OPCML: variants seen among roughly 807,000 people sequenced by gnomAD.
OPCML encodes opioid binding protein/cell adhesion molecule like, also known as opioid-binding protein/cell adhesion molecule.
A neutral mutation model predicts 37.8 loss-of-function variants in OPCML; 13 were observed. That is an observed-to-expected ratio of 0.34 (90% CI 0.22 to 0.55). OPCML has a LOEUF of 0.55. Among genes scored for constraint, OPCML ranks in the 20% least tolerant of loss-of-function variants. OPCML has a pLI of 0.91. For missense variants in OPCML, 341 were observed against 435.6 expected (o/e 0.78, Z 1.93); for synonymous variants, 176 against 168.8 (o/e 1.04, Z -0.33).
intron 1 of OPCML, among the ~76,000 whole-genome samples, chr11:133,409,090 C>A (rs7937077): frequency 0.09 from 13,752 of 152,104 alleles, 1,823 homozygotes; most frequent in African/African-American, 0.29. Flanking sequence ...GGGGGACGAG[C>A]GTGGGCTGTG....
intron 2 of OPCML, among the ~76,000 whole-genome samples, chr11:132,734,740 A>G (rs1464714962): frequency 6.6e-6 from 1 of 152,236 alleles, no homozygotes; most frequent in African/African-American, 2.4e-5. Context: ...GTGCCTAGAA[A>G]AGAGGTGTTG....
At chr11:132,951,033 G>A (rs1945847852) in intron 1 of OPCML, among the ~76,000 whole-genome samples, 1 of 152,170 alleles carries the variant, frequency 6.6e-6, no homozygotes, top group Non-Finnish European at 1.5e-5. Context: ...CTGCGCTCTA[G>A]AGTGCAGCAG....
intron 2 of OPCML, among the ~76,000 whole-genome samples, chr11:132,663,394 A>C (rs558955799): frequency 1.3e-5 from 2 of 152,214 alleles, no homozygotes; most frequent in Non-Finnish European, 2.9e-5. Context: ...CTTTATCTGT[A>C]TCTACATAGA....
At chr11:132,484,287 C>G (rs1461117866) in intron 4 of OPCML, among the ~76,000 whole-genome samples, 13 of 152,162 alleles carry the variant, frequency 8.5e-5, no homozygotes, top group Non-Finnish European at 1.5e-4. Flanking sequence ...CAAAAGAAGA[C>G]ATTTATGCAG....
intron 1 of OPCML, among the ~76,000 whole-genome samples, chr11:133,381,805 T>C (rs1944935663): frequency 6.6e-6 from 1 of 152,260 alleles, no homozygotes; most frequent in South Asian, 2.1e-4. Context: ...ATGAACACTT[T>C]ATGTGGACAC....
chr11:132,490,426 G>A (rs561249826), intron 4 of OPCML, among the ~76,000 whole-genome samples: 4 of 152,092 alleles, frequency 2.6e-5, no homozygotes, highest in African/African-American at 7.2e-5. Flanking sequence ...GAGCTCCAGG[G>A]CTCAGGCCTG....
intron 2 of OPCML, among the ~76,000 whole-genome samples, chr11:132,937,455 A>G (rs986964634): frequency 2.0e-5 from 3 of 151,774 alleles, no homozygotes; most frequent in African/African-American, 7.2e-5. Context: ...GTCTTCTCCC[A>G]CAGCCTGCTT....
chr11:132,678,441 C>A (rs1377588047), intron 2 of OPCML, among the ~76,000 whole-genome samples: 1 of 152,200 alleles, frequency 6.6e-6, no homozygotes, highest in Non-Finnish European at 1.5e-5. Flanking sequence ...AAGACCTGCA[C>A]ACAGATGTTT....
intron 1 of OPCML, among the ~76,000 whole-genome samples, chr11:133,087,567 A>G (rs191994234): frequency 2.2e-3 from 335 of 152,378 alleles, no homozygotes; most frequent in African/African-American, 7.8e-3. Context: ...TAAAACATCA[A>G]TTTAACCTGC....
intron 2 of OPCML, among the ~76,000 whole-genome samples, chr11:132,870,401 G>T (rs1033689632): frequency 6.6e-6 from 1 of 152,150 alleles, no homozygotes; most frequent in Non-Finnish European, 1.5e-5. Flanking sequence ...GCTTGCACAT[G>T]GTTGGTGGGG....
chr11:132,578,446 T>C (rs1565680375), intron 3 of OPCML, among the ~76,000 whole-genome samples: 1 of 152,206 alleles, frequency 6.6e-6, no homozygotes. Context: ...AAAATAACCC[T>C]TGGTTCCTTC....
At chr11:132,888,998 A>T (rs555613050) in intron 2 of OPCML, among the ~76,000 whole-genome samples, 2 of 152,228 alleles carry the variant, frequency 1.3e-5, no homozygotes, top group Non-Finnish European at 2.9e-5. Context: ...GAGCAGTGCC[A>T]CAGTTTACAG....
At chr11:133,272,347 GTTAT>G (rs962829798) in intron 1 of OPCML, among the ~76,000 whole-genome samples, 6 of 151,836 alleles carry the variant, frequency 4.0e-5, no homozygotes, top group African/African-American at 1.2e-4. Context: ...GCAAATTGCA[GTTAT>G]TTATTATCAG....
intron 1 of OPCML, among the ~76,000 whole-genome samples, chr11:133,476,146 T>C (rs1947233255): frequency 6.6e-6 from 1 of 152,164 alleles, no homozygotes; most frequent in African/African-American, 2.4e-5. Flanking sequence ...GGAAAACACG[T>C]TTGGGCCAAA....
At chr11:132,638,182 T>TATATATATATATATAC (rs1342262558) in intron 3 of OPCML, among the ~76,000 whole-genome samples, 3 of 114,366 alleles carry the variant, frequency 2.6e-5, no homozygotes, top group African/African-American at 1.0e-4. Flanking sequence ...TATATATATA[T>TATATATATATATATAC]ATATACAGAG....
At chr11:133,513,379 G>T (rs1389698380) in intron 1 of OPCML, among the ~76,000 whole-genome samples, 1 of 152,154 alleles carries the variant, frequency 6.6e-6, no homozygotes, top group Non-Finnish European at 1.5e-5. Context: ...CAATTTGGAG[G>T]TTGGCTTGGA....
chr11:132,419,066 C>A lies in OPCML; in HGVS notation c.*1127G>T, dbSNP rs983210779. ...ACCAGATTTTAAAGAGTCCACAACACAGGGTATTGCTTTTGTATTTTGTTA... is the reference window on the plus strand; with the variant it reads ...ACCAGATTTTAAAGAGTCCACAACAAAGGGTATTGCTTTTGTATTTTGTTA... On this transcript the variant is annotated 3_prime_UTR_variant, in exon 8 of 8. Transcript: ENST00000524381. 1 of 152,638 alleles carries A rather than the reference C, an allele frequency of 6.6e-6. No individual in the cohort carries two copies. Among genetic ancestry groups the A allele is most frequent in the Non-Finnish European group, 1.5e-5 (1 of 68,042 alleles). The allele number at this position is 152,638 out of a possible 1,614,324, so 9.5% of individuals were successfully genotyped here.
At chr11:132,647,204 G>C (rs1386358064) in intron 3 of OPCML, among the ~76,000 whole-genome samples, 1 of 152,240 alleles carries the variant, frequency 6.6e-6, no homozygotes, top group Non-Finnish European at 1.5e-5. Flanking sequence ...GTCAACGGAA[G>C]TGAGTTTAAG....
chr11:132,519,145 G>A (rs2137233785), intron 4 of OPCML, among the ~76,000 whole-genome samples: 1 of 152,292 alleles, frequency 6.6e-6, no homozygotes, highest in Non-Finnish European at 1.5e-5. Flanking sequence ...AAGAACCACA[G>A]CTTAAAGACA....
Sources: allele counts gnomAD v4.1 joint callset (sites outside exome capture counted in the v4.1 genomes callset), GRCh38; gene constraint gnomAD v4.1.1; transcripts MANE v1.5; gene names NCBI Gene and HGNC (gene_info 2026-07-23, HGNC 2026-07-21).